The following CSMD3 variants were observed in gnomAD, a reference collection of about 807,000 sequenced individuals.
CSMD3 encodes the protein CUB and Sushi multiple domains 3.
CSMD3 carries 177 observed loss-of-function variants against 435.2 expected under a neutral mutation model. The observed-to-expected ratio is 0.41, with a 90% CI of 0.36 to 0.46. The LOEUF is 0.46. Among genes scored for constraint, CSMD3 ranks in the 20% least tolerant of loss-of-function variants. CSMD3 has a pLI of 0.34. For missense variants in CSMD3, 4,265 were observed against 4,504.6 expected (o/e 0.95, Z 1.52); for synonymous variants, 1,656 against 1,520.5 (o/e 1.09, Z -2.07).
At chr8:112,823,557 T>C (rs2079587652) in intron 12 of CSMD3, among the ~76,000 whole-genome samples, 1 of 152,178 alleles carries the variant, frequency 6.6e-6, no homozygotes, top group South Asian at 2.1e-4. Flanking sequence ...CTTCTTCATT[T>C]CTTCCTTAAT....
At chr8:112,484,818 G>T (rs1428148344) in intron 31 of CSMD3, among the ~76,000 whole-genome samples, 5 of 151,914 alleles carry the variant, frequency 3.3e-5, no homozygotes, top group Admixed American at 3.3e-4. Context: ...GGAGCATTTT[G>T]GATTTGGGAT....
chr8:112,814,858 A>T (rs2079329117), intron 12 of CSMD3, among the ~76,000 whole-genome samples: 1 of 151,974 alleles, frequency 6.6e-6, no homozygotes. Context: ...ATTCCTTAAG[A>T]CCTATTGCCT....
intron 4 of CSMD3, among the ~76,000 whole-genome samples, chr8:113,147,787 C>T (rs2091711364): frequency 6.6e-6 from 1 of 151,594 alleles, no homozygotes; most frequent in African/African-American, 2.4e-5. Flanking sequence ...TGTTCTCTTC[C>T]TTGATAAGGC....
At chr8:113,153,100 GA>G (rs200601329) in intron 4 of CSMD3, among the ~76,000 whole-genome samples, 11,912 of 53,006 alleles carry the variant, frequency 0.22, 834 homozygotes, top group East Asian at 0.49. Flanking sequence ...AAGAAAGAAA[GA>G]AAAGAAAGAA....
chr8:112,934,121 G>A (rs1174357689), intron 9 of CSMD3, among the ~76,000 whole-genome samples: 1 of 152,070 alleles, frequency 6.6e-6, no homozygotes, highest in East Asian at 1.9e-4. Context: ...CTAGGATAAG[G>A]CATACTAGTT....
intron 50 of CSMD3, among the ~76,000 whole-genome samples, chr8:112,307,943 A>AT (rs1397995887): frequency 1.4e-4 from 21 of 152,156 alleles, no homozygotes; most frequent in Non-Finnish European, 3.1e-4. Context: ...TTGCTGCTTA[A>AT]TTTTCATTAA....
chr8:112,850,245 T>A (rs1274176106), intron 11 of CSMD3, among the ~76,000 whole-genome samples: 3 of 152,160 alleles, frequency 2.0e-5, no homozygotes, highest in Non-Finnish European at 2.9e-5. Context: ...TTGGGTCACA[T>A]GACATGAGGA....
At chr8:112,393,393 A>G (rs1830603502) in intron 35 of CSMD3, among the ~76,000 whole-genome samples, 1 of 152,124 alleles carries the variant, frequency 6.6e-6, no homozygotes, top group African/African-American at 2.4e-5. Context: ...TGTGAATGTT[A>G]CCGCTTCAAC....
At chr8:112,669,657 T>C (rs972194977) in intron 16 of CSMD3, among the ~76,000 whole-genome samples, 2 of 152,130 alleles carry the variant, frequency 1.3e-5, no homozygotes, top group Non-Finnish European at 2.9e-5. Flanking sequence ...TAAAGAAGCA[T>C]TTTCAAAGTC....
intron 25 of CSMD3, among the ~76,000 whole-genome samples, chr8:112,553,843 A>C (rs1417906874): frequency 1.3e-5 from 2 of 152,022 alleles, no homozygotes; most frequent in African/African-American, 4.8e-5. Context: ...TTGTTTTAAA[A>C]ATTTTAGATA....
chr8:113,070,065 C>T (rs1588010107), intron 5 of CSMD3, among the ~76,000 whole-genome samples: 1 of 152,190 alleles, frequency 6.6e-6, no homozygotes, highest in African/African-American at 2.4e-5. Flanking sequence ...ATGATGATGG[C>T]TTTCATTATC....
At chr8:112,545,255 G>A (rs976876587) in intron 27 of CSMD3, among the ~76,000 whole-genome samples, 3 of 151,896 alleles carry the variant, frequency 2.0e-5, no homozygotes, top group African/African-American at 4.8e-5. Context: ...GTGCTGAGGC[G>A]GGCGGATCAC....
intron 36 of CSMD3, among the ~76,000 whole-genome samples, chr8:112,387,157 C>A (rs745497276): frequency 6.6e-6 from 1 of 152,090 alleles, no homozygotes; most frequent in Non-Finnish European, 1.5e-5. Context: ...CCACTCTTTG[C>A]CACAAAGAGT....
rs190369266 is a variant in CSMD3 at position 112,873,456 on chromosome 8, C to T, written c.1634-14190G>A. On this transcript the variant is annotated intron_variant, in intron 10 of 70. Transcript: ENST00000297405. ...GAAATATTGTCTTTTATTTCTTAAT[C>T]TTTTAGCTAAAATCCATTCTTCCAA... Among the ~76,000 whole-genome samples, 20 of 152,008 alleles carry T rather than the reference C, an allele frequency of 1.3e-4. No homozygotes were observed. In the East Asian group the frequency reaches 2.9e-3, roughly 22 times the overall value.
At chr8:113,436,595 C>T (rs2094707902) in intron 1 of CSMD3, 82 bp downstream of exon 1, 1 of 1,278,486 alleles carries the variant, frequency 7.8e-7, no homozygotes, top group Admixed American at 1.7e-5. Flanking sequence ...GTGCAAATTG[C>T]AAAGTAAGCT....
chr8:112,538,567 GA>G (rs1374345493), intron 27 of CSMD3, among the ~76,000 whole-genome samples: 2 of 150,810 alleles, frequency 1.3e-5, no homozygotes, highest in Admixed American at 6.6e-5. Context: ...CAAACCATCT[GA>G]AAAAAAATCA....
intron 7 of CSMD3, among the ~76,000 whole-genome samples, chr8:112,969,928 C>T (rs1047095575): frequency 4.0e-5 from 6 of 151,842 alleles, no homozygotes; most frequent in African/African-American, 1.5e-4. Flanking sequence ...CCCAATTGTG[C>T]TTATAATCTG....
rs756632403 is a variant in CSMD3, at chr8:112,228,837, C to T, written c.10883G>A (p.Ser3628Asn). Residue 3628 changes from serine (S) to asparagine (N), a missense_variant, in exon 70 of 71, where the codon AGT becomes AAT. Physicochemically the swap from Ser to Asn is conservative, Grantham distance 46 (BLOSUM62 1). This residue lies in a region of CSMD3 where 3,255 missense variants were observed against 3,380.2 expected (regional missense o/e 0.96). Transcript: ENST00000297405. ...AAGAATAGCAATGGCTACAGAACTA[C>T]TATTTGTACCATGAGGTTGATTTGA... ...NSSNQPHGTN[S>N]SSVAIAILVP... The T allele has an allele frequency of 5.7e-6, 9 of 1,590,308 alleles. No homozygotes were observed. Among genetic ancestry groups the T allele is most frequent in the Non-Finnish European group, 7.8e-6 (9 of 1,159,270 alleles).
intron 11 of CSMD3, among the ~76,000 whole-genome samples, chr8:112,840,473 G>A (rs1464592353): frequency 2.6e-5 from 4 of 151,734 alleles, no homozygotes; most frequent in Non-Finnish European, 4.4e-5. Flanking sequence ...TGGGTACCAA[G>A]TTGAAGTTTG....
Sources: allele counts gnomAD v4.1 joint callset (sites outside exome capture counted in the v4.1 genomes callset), GRCh38; gene constraint gnomAD v4.1.1; regional missense constraint gnomAD v4.1.1; transcripts MANE v1.5; gene names NCBI Gene and HGNC (gene_info 2026-07-23, HGNC 2026-07-21).